Variants in GAS7 observed in about 807,000 individuals in gnomAD.
GAS7 encodes growth arrest specific 7.
GAS7 carries 28 observed loss-of-function variants against 71.1 expected under a neutral mutation model. That is an observed-to-expected ratio of 0.39 (90% CI 0.29 to 0.54). The LOEUF is 0.54. Ranked by LOEUF, GAS7 falls within the 20% of genes least tolerant of loss-of-function variation. The pLI is 0.62. For missense variants in GAS7, 436 were observed against 627.8 expected (o/e 0.69, Z 3.27); for synonymous variants, 258 against 245.8 (o/e 1.05, Z -0.46).
chr17:9,982,863 AAG>A (rs1193783281), intron 2 of GAS7, among the ~76,000 whole-genome samples: 1 of 148,354 alleles, frequency 6.7e-6, no homozygotes, highest in African/African-American at 2.5e-5. Flanking sequence ...GAAAGAAAGA[AAG>A]AAAGCAAAGA....
intron 2 of GAS7, among the ~76,000 whole-genome samples, chr17:9,998,693 A>AAAGGAAAAGGAAAAGGGAAGGGAAGGG (rs1567872010): frequency 6.6e-6 from 1 of 150,818 alleles, no homozygotes; most frequent in Non-Finnish European, 1.5e-5. Context: ...AGGAAAAGGA[A>AAAGGAAAAGGAAAAGGGAAGGGAAGGG]AAGGAAAAGG....
chr17:10,059,375 GAAATCAAGA>G (rs765762496), intron 1 of GAS7, among the ~76,000 whole-genome samples: 1 of 152,144 alleles, frequency 6.6e-6, no homozygotes, highest in Non-Finnish European at 1.5e-5. Flanking sequence ...TAAATCCCCG[GAAATCAAGA>G]AAAACTCACT....
intron 1 of GAS7, among the ~76,000 whole-genome samples, chr17:10,150,593 T>TTTTTTC (rs2142107110): frequency 7.0e-6 from 1 of 142,764 alleles, no homozygotes; most frequent in East Asian, 2.0e-4. Context: ...TTACATTTCT[T>TTTTTTC]TTTTTTTTTT....
chr17:10,133,651 C>T (rs1295146252), intron 1 of GAS7, among the ~76,000 whole-genome samples: 3 of 152,108 alleles, frequency 2.0e-5, no homozygotes, highest in Non-Finnish European at 4.4e-5. Context: ...ATCCTCCTAA[C>T]TAAATTTTGT....
intron 6 of GAS7, 44 bp downstream of exon 6, chr17:9,946,850 G>A (rs754325023): frequency 1.2e-5 from 16 of 1,329,270 alleles, no homozygotes; most frequent in African/African-American, 2.9e-5. Context: ...GTCCACTCCC[G>A]GTCACCGGGG....
intron 5 of GAS7, among the ~76,000 whole-genome samples, chr17:9,952,447 AATGGCATG>A (rs1172121498): frequency 2.0e-5 from 3 of 152,066 alleles, no homozygotes; most frequent in Non-Finnish European, 4.4e-5. Context: ...GTTGGAGTGC[AATGGCATG>A]ATCTCAGCTC....
intron 1 of GAS7, among the ~76,000 whole-genome samples, chr17:10,114,237 C>T (rs2073839762): frequency 6.6e-6 from 1 of 152,098 alleles, no homozygotes; most frequent in Non-Finnish European, 1.5e-5. Context: ...TCCGTCAATG[C>T]TACAGTCTCA....
chr17:10,020,014 G>T, intron 1 of GAS7, 117 bp from the exon 2 acceptor site: 1 of 1,017,048 alleles, frequency 9.8e-7, no homozygotes, highest in African/African-American at 1.6e-5. Flanking sequence ...GGAAGTCTGC[G>T]GCCCATAAAC....
At chr17:9,991,250 G>A (rs570498933) in intron 2 of GAS7, among the ~76,000 whole-genome samples, 2 of 152,316 alleles carry the variant, frequency 1.3e-5, no homozygotes, top group Non-Finnish European at 1.5e-5. Context: ...AGGGGTGCTA[G>A]GGGTGAAGGG....
In GAS7 at chr17:10,198,228, T is replaced by C; in HGVS notation, c.163A>G (p.Ser55Gly). 1 of 1,607,784 alleles carries C rather than the reference T, an allele frequency of 6.2e-7. No homozygotes were observed. Among genetic ancestry groups the C allele is most frequent in the African/African-American group, 1.3e-5 (1 of 74,926 alleles). Residue 55 changes from serine (S) to glycine (G), a missense_variant, in exon 1 of 14, where the codon AGC (serine) becomes GGC (glycine). Physicochemically the swap from Ser to Gly is moderately conservative, Grantham distance 56. Transcript: ENST00000432992. The stretch of plus-strand genomic sequence containing the variant: ...CTTACCTCCAGCAACTGCACGTAGC[T>C]CGCCGGGAACCAGCCACGGAGCCCG... ...EDGLRGWFPA[S>G]YVQLLEKPGM...
At chr17:10,092,520 T>C (rs1276310944) in intron 1 of GAS7, among the ~76,000 whole-genome samples, 3 of 152,226 alleles carry the variant, frequency 2.0e-5, no homozygotes, top group African/African-American at 7.2e-5. Flanking sequence ...AAGTTATTTG[T>C]CCAGGGATAT....
rs547589875 is a variant in GAS7, at chr17:9,928,279, AT to A, written c.886-1511del. Reference sequence around the variant, plus strand: ...AGGCACCTGCCACCACGCCCGGCTAATTTTTTTTTTTTTTTTGTATTTTTAG... The same window carrying A: ...AGGCACCTGCCACCACGCCCGGCTAATTTTTTTTTTTTTTTGTATTTTTAG... On this transcript the variant is annotated intron_variant, in intron 9 of 13. Transcript: ENST00000432992. Among the ~76,000 whole-genome samples, 405 of 137,632 alleles carry A rather than the reference AT, an allele frequency of 2.9e-3. 2 individuals are homozygous for A. Among genetic ancestry groups the A allele is most frequent in the Middle Eastern group, 0.022 (6 of 268 alleles). The allele number at this position is 137,632 out of a possible 152,430, so 90.3% of individuals were successfully genotyped here.
intron 8 of GAS7, among the ~76,000 whole-genome samples, chr17:9,937,191 G>A (rs929686745): frequency 1.3e-5 from 2 of 152,210 alleles, no homozygotes; most frequent in African/African-American, 4.8e-5. Flanking sequence ...ACGAGGCAGT[G>A]GCCCTGATGC....
chr17:10,177,945 G>A (rs552723321), intron 1 of GAS7, among the ~76,000 whole-genome samples: 2 of 152,158 alleles, frequency 1.3e-5, no homozygotes, highest in South Asian at 2.1e-4. Context: ...AACACCGGCC[G>A]CATTAGGTCA....
chr17:10,019,186 A>C (rs1031194931), intron 2 of GAS7, among the ~76,000 whole-genome samples: 2 of 152,126 alleles, frequency 1.3e-5, no homozygotes, highest in Non-Finnish European at 2.9e-5. Flanking sequence ...GGTCCTATTC[A>C]ACTCAGATGC....
chr17:10,063,279 C>T (rs956049873), intron 1 of GAS7, among the ~76,000 whole-genome samples: 3 of 152,206 alleles, frequency 2.0e-5, no homozygotes, highest in Non-Finnish European at 2.9e-5. Flanking sequence ...TGTGTGCGCG[C>T]GCACGCGTTT....
intron 1 of GAS7, among the ~76,000 whole-genome samples, chr17:10,158,105 G>C (rs956538633): frequency 6.6e-6 from 1 of 152,184 alleles, no homozygotes; most frequent in African/African-American, 2.4e-5. Context: ...CTGCCTCCCA[G>C]GTTGATGCCA....
chr17:9,921,066 T>C (rs1475251790), intron 11 of GAS7, among the ~76,000 whole-genome samples: 1 of 152,080 alleles, frequency 6.6e-6, no homozygotes, highest in Non-Finnish European at 1.5e-5. Flanking sequence ...ATTTTGTTCT[T>C]GGTCCAAGGC....
At chr17:10,131,370 C>G (rs1368430963) in intron 1 of GAS7, among the ~76,000 whole-genome samples, 2 of 152,186 alleles carry the variant, frequency 1.3e-5, no homozygotes, top group Non-Finnish European at 2.9e-5. Context: ...CGCCTGTAAT[C>G]CCAGCACTTT....
Sources: gnomAD v4.1 joint callset for allele counts (sites outside exome capture counted in the v4.1 genomes callset) on GRCh38, gnomAD v4.1.1 for gene constraint, MANE v1.5 for transcripts, NCBI Gene and HGNC (gene_info 2026-07-23, HGNC 2026-07-21) for gene names.